The following RPRD2 variants were observed in gnomAD, a reference collection of about 807,000 sequenced individuals.
The protein encoded by RPRD2 is regulation of nuclear pre-mRNA domain containing 2.
A neutral mutation model predicts 104.4 loss-of-function variants in RPRD2; 12 were observed. That is an observed-to-expected ratio of 0.11 (90% CI 0.07 to 0.19). The LOEUF is 0.19. RPRD2 is among the 10% of genes least tolerant of loss of function. The probability of loss-of-function intolerance (pLI) is 1.00; values close to 1 mark genes in which losing one functional copy is unlikely to be tolerated. For missense variants in RPRD2, 1,543 were observed against 1,790.1 expected (o/e 0.86, Z 2.49); for synonymous variants, 714 against 684.9 (o/e 1.04, Z -0.66).
chr1:150,378,645 A>T (rs1156454900), intron 1 of RPRD2, among the ~76,000 whole-genome samples: 1 of 152,150 alleles, frequency 6.6e-6, no homozygotes, highest in Non-Finnish European at 1.5e-5. Context: ...TGCTCCCACT[A>T]AATTTTTGTT....
intron 1 of RPRD2, among the ~76,000 whole-genome samples, chr1:150,392,461 C>T (rs1437689059): frequency 6.6e-6 from 1 of 152,048 alleles, no homozygotes; most frequent in African/African-American, 2.4e-5. Context: ...GCTGAGATCG[C>T]GCCACTGCAC....
chr1:150,367,253 G>C lies in RPRD2; in HGVS notation c.205+2334G>C, dbSNP rs587690106. On this transcript the variant is annotated intron_variant, in intron 1 of 10. Coordinates refer to ENST00000369068, the MANE Select transcript of RPRD2 (RefSeq NM_015203.5). ...GGTCTCATTGTAAATAAAGCGTTTT[G>C]AGAGAAATATTCAGCAGAATGGTGT... 1.6e-4 allele frequency among the ~76,000 whole-genome samples: 25 copies of C among 152,294 alleles called. No homozygotes were observed. The South Asian group carries it at 5.0e-3, about 30-fold the overall frequency.
intron 1 of RPRD2, among the ~76,000 whole-genome samples, chr1:150,369,351 C>G (rs968321708): frequency 3.3e-5 from 5 of 151,220 alleles, no homozygotes; most frequent in Admixed American, 2.0e-4. Flanking sequence ...GGCATGATCT[C>G]CGCTCACTGC....
intron 1 of RPRD2, among the ~76,000 whole-genome samples, chr1:150,375,546 T>A (rs1261374553): frequency 6.6e-6 from 1 of 152,222 alleles, no homozygotes. Context: ...AGAAGCTTAC[T>A]GATTTTATTC....
At chr1:150,428,350 G>A (rs1016938963) in intron 2 of RPRD2, among the ~76,000 whole-genome samples, 5 of 151,606 alleles carry the variant, frequency 3.3e-5, no homozygotes, top group Non-Finnish European at 7.4e-5. Flanking sequence ...CTACTCGGGA[G>A]GCTGAGGCAG....
intron 9 of RPRD2, among the ~76,000 whole-genome samples, chr1:150,462,849 C>G (rs1302397206): frequency 3.9e-5 from 6 of 152,110 alleles, no homozygotes; most frequent in Admixed American, 3.9e-4. Context: ...GCCACCGCAT[C>G]CGGCCATTTA....
intron 1 of RPRD2, among the ~76,000 whole-genome samples, chr1:150,377,730 A>G (rs1660828148): frequency 6.6e-6 from 1 of 152,104 alleles, no homozygotes; most frequent in Non-Finnish European, 1.5e-5. Context: ...GGATTGCTGG[A>G]TCCTTATTGT....
At chr1:150,387,538 A>T (rs922868122) in intron 1 of RPRD2, among the ~76,000 whole-genome samples, 2 of 147,588 alleles carry the variant, frequency 1.4e-5, no homozygotes, top group Non-Finnish European at 3.0e-5. Flanking sequence ...CCAGAAATAC[A>T]ACTAAATCTT....
chr1:150,382,245 A>T (rs1553880938), intron 1 of RPRD2, among the ~76,000 whole-genome samples: 3 of 152,232 alleles, frequency 2.0e-5, no homozygotes, highest in Non-Finnish European at 4.4e-5. Context: ...ATTAGCAAAT[A>T]GCAAAAGAAC....
At chr1:150,425,531 T>C (rs2102302025) in intron 2 of RPRD2, among the ~76,000 whole-genome samples, 1 of 151,790 alleles carries the variant, frequency 6.6e-6, no homozygotes, top group South Asian at 2.1e-4. Context: ...TAATCCCAGC[T>C]ACTCGGGAGG....
chr1:150,467,965 C>A (rs72698829), intron 10 of RPRD2, among the ~76,000 whole-genome samples: 33,660 of 151,616 alleles, frequency 0.22, 4,249 homozygotes, highest in African/African-American at 0.32. Context: ...TCAAGACCAG[C>A]CTGGCCAACA....
chr1:150,463,136 A>G (rs1553899180), intron 9 of RPRD2, among the ~76,000 whole-genome samples: 1 of 152,096 alleles, frequency 6.6e-6, no homozygotes, highest in Non-Finnish European at 1.5e-5. Flanking sequence ...GATTACAATC[A>G]TGAGCCACTG....
At chr1:150,391,471 G>C (rs1291339237) in intron 1 of RPRD2, among the ~76,000 whole-genome samples, 1 of 151,986 alleles carries the variant, frequency 6.6e-6, no homozygotes, top group African/African-American at 2.4e-5. Context: ...ACCTTTAAAA[G>C]GACATATACT....
chr1:150,448,899 C>G (rs1553896064), intron 7 of RPRD2, among the ~76,000 whole-genome samples: 1 of 151,964 alleles, frequency 6.6e-6, no homozygotes, highest in Non-Finnish European at 1.5e-5. Flanking sequence ...TATCATTGTA[C>G]TGGAGCAGTC....
At chr1:150,432,636 A>C (rs1368271904) in intron 2 of RPRD2, among the ~76,000 whole-genome samples, 1 of 147,546 alleles carries the variant, frequency 6.8e-6, no homozygotes, top group Non-Finnish European at 1.5e-5. Context: ...GATAAAAAAA[A>C]AAAAGCCAAA....
intron 7 of RPRD2, among the ~76,000 whole-genome samples, chr1:150,446,705 C>T (rs1039479100): frequency 3.3e-5 from 5 of 151,908 alleles, no homozygotes; most frequent in East Asian, 1.9e-4. Flanking sequence ...GCTGTGATCA[C>T]GCCACTGCAC....
Position 150,472,914 on chromosome 1 carries a change from A to G in RPRD2, c.3966A>G (p.Ala1322=). Residue 1322 remains alanine (A), a synonymous_variant, in exon 11 of 11, where the codon GCA becomes GCG. Coordinates refer to ENST00000369068, the MANE Select transcript of RPRD2 (RefSeq NM_015203.5). ...LAEHGVAGAV[A]VFPKDHSSLL... is the part of the protein sequence containing the mutation. ...AGCACGGAGTGGCAGGGGCTGTGGCAGTATTTCCCAAGGACCATAGTTCCC... is the reference window on the plus strand; with the variant it reads ...AGCACGGAGTGGCAGGGGCTGTGGCGGTATTTCCCAAGGACCATAGTTCCC... 1.2e-6 allele frequency: 2 copies of G among 1,613,314 alleles called. No homozygotes were observed. Among genetic ancestry groups the G allele is most frequent in the South Asian group, 2.2e-5 (2 of 91,030 alleles).
chr1:150,384,869 C>T (rs782433504), intron 1 of RPRD2, among the ~76,000 whole-genome samples: 1 of 151,980 alleles, frequency 6.6e-6, no homozygotes, highest in Non-Finnish European at 1.5e-5. Flanking sequence ...AAGAAGGTAA[C>T]TAGCTGAGTG....
At chr1:150,379,255 C>T (rs1660950390) in intron 1 of RPRD2, among the ~76,000 whole-genome samples, 1 of 151,278 alleles carries the variant, frequency 6.6e-6, no homozygotes, top group Non-Finnish European at 1.5e-5. Context: ...TGCACTCCAG[C>T]CTGGGCGACA....
Sources: gnomAD v4.1 joint callset for allele counts (sites outside exome capture counted in the v4.1 genomes callset) on GRCh38, gnomAD v4.1.1 for gene constraint, MANE v1.5 for transcripts, NCBI Gene and HGNC (gene_info 2026-07-23, HGNC 2026-07-21) for gene names.